Variants in ZNF541 observed in about 807,000 individuals in gnomAD.
ZNF541 encodes zinc finger protein 541.
A neutral mutation model predicts 123.5 loss-of-function variants in ZNF541; 23 were observed. The ratio of observed to expected loss-of-function variants is 0.19; its 90% CI spans 0.13 to 0.26. The LOEUF (loss-of-function observed/expected upper bound fraction) is 0.26. Among genes scored for constraint, ZNF541 ranks in the 10% least tolerant of loss-of-function variants. ZNF541 has a pLI of 1.00. For synonymous variants in ZNF541, 751 were observed against 754.5 expected (o/e 1.00, Z 0.08); for missense variants, 1,612 against 1,789.9 (o/e 0.90, Z 1.79).
intron 11 of ZNF541, 84 bp downstream of exon 11, chr19:47,532,044 A>C: frequency 6.6e-7 from 1 of 1,507,930 alleles, no homozygotes; most frequent in South Asian, 1.3e-5. Flanking sequence ...AGCGGTCAGG[A>C]GTTCCAGACC....
At chr19:47,543,119 AT>A (rs1417545834) in intron 5 of ZNF541, among the ~76,000 whole-genome samples, 1 of 152,082 alleles carries the variant, frequency 6.6e-6, no homozygotes, top group Admixed American at 6.6e-5. Flanking sequence ...TCTCTAAAAA[AT>A]ATATAAAAAA....
chr19:47,566,806 C>T (rs1971282006), intron 2 of ZNF541, among the ~76,000 whole-genome samples: 2 of 151,812 alleles, frequency 1.3e-5, no homozygotes, highest in African/African-American at 4.8e-5. Context: ...AATCCCAGCA[C>T]TTTGGGAGGC....
At chr19:47,525,434 T>C (rs545631657) in intron 14 of ZNF541, among the ~76,000 whole-genome samples, 10 of 152,192 alleles carry the variant, frequency 6.6e-5, no homozygotes, top group Admixed American at 1.3e-4. Context: ...TGGTAATACA[T>C]GATCTTAAGA....
chr19:47,568,106 G>A (rs960544691), intron 2 of ZNF541, among the ~76,000 whole-genome samples: 1 of 152,118 alleles, frequency 6.6e-6, no homozygotes, highest in Non-Finnish European at 1.5e-5. Flanking sequence ...AGAAGGCTCT[G>A]AGCATCCTTT....
rs1471934741 is a variant in ZNF541, at chr19:47,544,745, C to T, written c.1784G>A (p.Gly595Glu). The T allele has an allele frequency of 6.7e-7, 1 of 1,500,642 alleles. No individual in the cohort carries two copies. The highest frequency in any genetic ancestry group is 1.4e-5 in the African/African-American group (1 of 72,014). The allele number at this position is 1,500,642 out of a possible 1,614,324, so 93.0% of individuals were successfully genotyped here. A position where few individuals can be genotyped will look rare whatever the true frequency, so the allele number is the denominator to read the frequency against. Residue 595 changes from glycine (G) to glutamate (E), a missense_variant, in exon 5 of 17, where the codon GGG (glycine) becomes GAG (glutamate). Physicochemically the swap from Gly to Glu is moderately conservative, Grantham distance 98. Transcript: ENST00000391901. ...GKPAALRPLQ[G>E]PWPQQPPPLA... ...TGGTGGGGGCTGCTGCGGCCACGGC[C>T]CCTGCAGCGGCCTCAGGGCGGCTGG...
chr19:47,556,069 C>T (rs113119759), intron 2 of ZNF541, among the ~76,000 whole-genome samples, 115 bp from the exon 3 acceptor site: 2,179 of 152,332 alleles, frequency 0.014, 19 homozygotes, highest in Non-Finnish European at 0.022. Flanking sequence ...TGCCTCATAA[C>T]AGCCATGTGG....
chr19:47,544,991 C>A lies in ZNF541; in HGVS notation c.1538G>T (p.Cys513Phe), dbSNP rs1351281696. Residue 513 changes from cysteine to phenylalanine, a missense_variant, in exon 5 of 17, where the codon TGC becomes TTC. By Grantham distance (205) the Cys-to-Phe change is radical (BLOSUM62 -2). This residue lies in a region of ZNF541 where 1,080 missense variants were observed against 1,013.8 expected (regional missense o/e 1.07). Coordinates refer to ENST00000391901, the MANE Select transcript of ZNF541 (RefSeq NM_001277075.3). Reference sequence around the variant, plus strand: ...GAGGCCGGGCTCCCCGGGGTTCTGGCACAGGAAGGAGTCGCAGTCGACCTT... The same window carrying A: ...GAGGCCGGGCTCCCCGGGGTTCTGGAACAGGAAGGAGTCGCAGTCGACCTT... ...KVKVDCDSFLCQNPGEPGLQE... is the reference protein window; with the variant it reads ...KVKVDCDSFLFQNPGEPGLQE... 1 of 1,527,202 alleles carries A rather than the reference C, an allele frequency of 6.5e-7. No homozygotes were observed. Among genetic ancestry groups the A allele is most frequent in the Non-Finnish European group, 8.7e-7 (1 of 1,142,880 alleles). 94.6% of individuals were successfully genotyped at this position (1,527,202 alleles called of 1,614,324 possible).
At chr19:47,546,790 C>T (rs1399459526) in intron 4 of ZNF541, among the ~76,000 whole-genome samples, 1 of 152,162 alleles carries the variant, frequency 6.6e-6, no homozygotes, top group Non-Finnish European at 1.5e-5. Context: ...GGCACGATCT[C>T]GGCTCACTGC....
chr19:47,548,253 G>A (rs1970442870), intron 4 of ZNF541, among the ~76,000 whole-genome samples: 1 of 151,446 alleles, frequency 6.6e-6, no homozygotes, highest in Non-Finnish European at 1.5e-5. Flanking sequence ...GACCAGCCTG[G>A]CCAATATGGT....
At position 47,522,069 on chromosome 19, in the gene ZNF541, C is replaced by T. The variant is rs529432750; in HGVS notation, c.3571-75G>A. Reference sequence around the variant, plus strand: ...AGTGTGACCTTGCCATTGGGCCGGCCGCCTCCTTTGGAAAGCCCTCCGGAA... The same window carrying T: ...AGTGTGACCTTGCCATTGGGCCGGCTGCCTCCTTTGGAAAGCCCTCCGGAA... On this transcript the variant is annotated intron_variant, in intron 14 of 16. Coordinates refer to ENST00000391901, the MANE Select transcript of ZNF541 (RefSeq NM_001277075.3). 39 of 1,529,186 alleles carry T rather than the reference C, an allele frequency of 2.6e-5. No individual in the cohort carries two copies. In the East Asian group the frequency reaches 3.2e-4, roughly 12 times the overall value. 94.7% of individuals were successfully genotyped at this position (1,529,186 alleles called of 1,614,324 possible). A position where few individuals can be genotyped will look rare whatever the true frequency, so the allele number is the denominator to read the frequency against.
At chr19:47,560,575 C>T (rs1364179141) in intron 2 of ZNF541, among the ~76,000 whole-genome samples, 3 of 134,956 alleles carry the variant, frequency 2.2e-5, no homozygotes, top group Non-Finnish European at 4.7e-5. Context: ...AAACTCTGTC[C>T]CAAAAAAAAA....
chr19:47,540,229 T>A lies in ZNF541; in HGVS notation c.2569A>T (p.Met857Leu). The A allele has an allele frequency of 2.6e-6, 4 of 1,551,704 alleles. No homozygotes were observed. The highest frequency in any genetic ancestry group is 2.4e-5 in the South Asian group (2 of 84,064). Residue 857 changes from methionine to leucine, a missense_variant, in exon 7 of 17, where the codon ATG (methionine) becomes TTG (leucine). Physicochemically the swap from Met to Leu is conservative, Grantham distance 15. Coordinates refer to ENST00000391901, the MANE Select transcript of ZNF541 (RefSeq NM_001277075.3). The part of the protein sequence containing the change: ...FYTEKGLSSH[M>L]CFHSDQWPSP... ...GGCCACTGGTCGCTGTGAAAACACA[T>A]GTGGCTGCTCAGCCCTTTCTCCGTA...
At chr19:47,550,492 T>C (rs1970555389) in intron 3 of ZNF541, among the ~76,000 whole-genome samples, 1 of 152,078 alleles carries the variant, frequency 6.6e-6, no homozygotes, top group African/African-American at 2.4e-5. Flanking sequence ...TATTAGCTGG[T>C]TTTATTTTCC....
chr19:47,570,334 T>C (rs953390124), intron 2 of ZNF541, among the ~76,000 whole-genome samples: 2 of 151,190 alleles, frequency 1.3e-5, no homozygotes, highest in African/African-American at 4.9e-5. Context: ...TCCCAGCACT[T>C]TGGGAGGCTG....
chr19:47,522,863 C>T (rs964544214), intron 14 of ZNF541, among the ~76,000 whole-genome samples: 2 of 151,556 alleles, frequency 1.3e-5, no homozygotes, highest in African/African-American at 2.4e-5. Flanking sequence ...TCTCCTGCCT[C>T]AGCCTCCTGA....
At chr19:47,554,065 C>T (rs980066131) in intron 3 of ZNF541, among the ~76,000 whole-genome samples, 1 of 152,152 alleles carries the variant, frequency 6.6e-6, no homozygotes, top group Non-Finnish European at 1.5e-5. Flanking sequence ...CCAACTCTTA[C>T]AACTTAAATG....
At chr19:47,549,003 C>A (rs1459635815) in intron 4 of ZNF541, among the ~76,000 whole-genome samples, 1 of 147,940 alleles carries the variant, frequency 6.8e-6, no homozygotes, top group African/African-American at 2.5e-5. Context: ...CACTTGAACC[C>A]GGGAGGCGGA....
chr19:47,549,620 T>A, intron 3 of ZNF541, 135 bp from the exon 4 acceptor site: 1 of 1,363,586 alleles, frequency 7.3e-7, no homozygotes. Flanking sequence ...CCACACAAAG[T>A]AAACAAGGTT....
At chr19:47,549,756 A>T (rs895172406) in intron 3 of ZNF541, among the ~76,000 whole-genome samples, 1 of 152,126 alleles carries the variant, frequency 6.6e-6, no homozygotes, top group South Asian at 2.1e-4. Context: ...GGGCTTTATG[A>T]CCACACCATC....
Sources: gnomAD v4.1 joint callset for allele counts (sites outside exome capture counted in the v4.1 genomes callset) on GRCh38, gnomAD v4.1.1 for gene constraint, gnomAD v4.1.1 regional missense constraint, MANE v1.5 for transcripts, NCBI Gene and HGNC (gene_info 2026-07-23, HGNC 2026-07-21) for gene names.